Variants in ASB15 observed in about 807,000 individuals in gnomAD.
ASB15 encodes ankyrin repeat and SOCS box protein 15.
In ASB15, 54 loss-of-function variants were observed where a neutral mutation model predicts 58.0. That is an observed-to-expected ratio of 0.93 (90% CI 0.75 to 1.17). ASB15 has a LOEUF of 1.17. Among genes scored for constraint, ASB15 ranks in the 50% most tolerant of loss-of-function variants. The probability of loss-of-function intolerance (pLI) is 0.00; values close to 1 mark genes in which losing one functional copy is unlikely to be tolerated. For missense variants in ASB15, 680 were observed against 707.4 expected (o/e 0.96, Z 0.44); for synonymous variants, 249 against 262.4 (o/e 0.95, Z 0.50).
At chr7:123,584,041 A>AT (rs1799308074) in intron 1 of ASB15, among the ~76,000 whole-genome samples, 1 of 151,908 alleles carries the variant, frequency 6.6e-6, no homozygotes, top group African/African-American at 2.4e-5. Context: ...CTCTATTTTT[A>AT]TATGTGCATG....
chr7:123,613,295 T>C (rs889208395), intron 3 of ASB15, among the ~76,000 whole-genome samples: 3 of 150,314 alleles, frequency 2.0e-5, no homozygotes, highest in African/African-American at 7.4e-5. Context: ...AGCACTCTTT[T>C]GTTTTTCTCT....
At chr7:123,603,386 G>C (rs1482344171) in intron 1 of ASB15, among the ~76,000 whole-genome samples, 1 of 152,160 alleles carries the variant, frequency 6.6e-6, no homozygotes, top group African/African-American at 2.4e-5. Context: ...CAGAGCAAAG[G>C]AATGTAGTAT....
At chr7:123,589,692 T>C (rs1366905379) in intron 1 of ASB15, among the ~76,000 whole-genome samples, 1 of 152,178 alleles carries the variant, frequency 6.6e-6, no homozygotes, top group Non-Finnish European at 1.5e-5. Flanking sequence ...GGTGTATATG[T>C]GCCACATTTT....
Position 123,620,501 on chromosome 7 carries a change from TACATAC to T in ASB15, c.451+2766_451+2771del, listed in dbSNP as rs1428938331. On this transcript the variant is annotated intron_variant, in intron 7 of 11. Transcript: ENST00000451215. ...TTCACCACTAGTAATGTGACACATA[TACATAC>T]ATATATATATATATATATATATATA... is the stretch of plus-strand genomic sequence containing the variant. Among the ~76,000 whole-genome samples, 124 of 62,592 alleles carry T rather than the reference TACATAC, an allele frequency of 2.0e-3. 1 individual carries two copies. The highest frequency in any genetic ancestry group is 9.1e-3 in the East Asian group (18 of 1,968). The allele number at this position is 62,592 out of a possible 152,430, so 41.1% of individuals were successfully genotyped here.
At chr7:123,608,762 C>G (rs1016225181) in intron 3 of ASB15, 108 bp downstream of exon 3, 2 of 152,116 alleles carry the variant, frequency 1.3e-5, no homozygotes, top group Non-Finnish European at 2.9e-5. Flanking sequence ...ATCATCCTAA[C>G]GAATCCATTC....
rs936587780 is a variant in ASB15, at chr7:123,638,925, T to C, written c.*1944T>C. The C allele has an allele frequency of 6.6e-6, 1 of 152,196 alleles. No homozygotes were observed. Among genetic ancestry groups the C allele is most frequent in the Non-Finnish European group, 1.5e-5 (1 of 68,040 alleles). The allele number at this position is 152,196 out of a possible 1,614,324, so 9.4% of individuals were successfully genotyped here. A position where few individuals can be genotyped will look rare whatever the true frequency, so the allele number is the denominator to read the frequency against. The stretch of plus-strand genomic sequence containing the variant: ...TATGTTTGTTTTGTTTTCCAGTGCT[T>C]TCTCAGGGCCAAACACATTCCCTAG... On this transcript the variant is annotated 3_prime_UTR_variant, in exon 12 of 12. Transcript: ENST00000451215.
chr7:123,596,930 G>A (rs1031122174), upstream of ASB15, among the ~76,000 whole-genome samples: 12 of 152,082 alleles, frequency 7.9e-5, no homozygotes, highest in Non-Finnish European at 1.5e-4. Flanking sequence ...ATTATAATTA[G>A]GCTTGGTTTA....
intron 1 of ASB15, among the ~76,000 whole-genome samples, chr7:123,574,917 A>G (rs1369346028): frequency 6.7e-6 from 1 of 150,348 alleles, no homozygotes; most frequent in African/African-American, 2.4e-5. Context: ...TTTAACTCTC[A>G]GCTCCCTTGG....
chr7:123,592,934 T>A (rs1464989182), intron 1 of ASB15, among the ~76,000 whole-genome samples: 3 of 152,174 alleles, frequency 2.0e-5, no homozygotes, highest in African/African-American at 7.2e-5. Context: ...TAAGGACTTA[T>A]TTTATGAATC....
At chr7:123,595,427 ATTC>A (rs1352891474) in intron 1 of ASB15, among the ~76,000 whole-genome samples, 2 of 152,192 alleles carry the variant, frequency 1.3e-5, no homozygotes. Flanking sequence ...GTGTCGGGTT[ATTC>A]TTTGTGAAAG....
chr7:123,613,624 G>A (rs575958612), intron 3 of ASB15, among the ~76,000 whole-genome samples: 1 of 152,180 alleles, frequency 6.6e-6, no homozygotes, highest in Non-Finnish European at 1.5e-5. Context: ...GTAAGGGAGT[G>A]AATGGGGACT....
chr7:123,623,896 AAGAATGGAAGGAAGG>A (rs1801514683), intron 7 of ASB15, among the ~76,000 whole-genome samples: 3 of 123,542 alleles, frequency 2.4e-5, no homozygotes, highest in East Asian at 2.4e-4. Flanking sequence ...AGAAGAAAGA[AAGAATGGAAGGAAGG>A]AAGGAAGGAA....
At chr7:123,592,186 C>A (rs911784993) in intron 1 of ASB15, among the ~76,000 whole-genome samples, 1 of 152,052 alleles carries the variant, frequency 6.6e-6, no homozygotes, top group Non-Finnish European at 1.5e-5. Context: ...ATTCTTATCT[C>A]TTTTCTTCTT....
chr7:123,609,842 A>G, intron 3 of ASB15, among the ~76,000 whole-genome samples: 1 of 152,282 alleles, frequency 6.6e-6, no homozygotes, highest in African/African-American at 2.4e-5. Context: ...AAACTGATGC[A>G]AAAAGGTGTC....
rs201282158 is a variant in ASB15, at chr7:123,629,169, A to G, written c.1175A>G (p.Asn392Ser). 6.2e-7 allele frequency: 1 copy of G among 1,614,108 alleles called. No individual in the cohort carries two copies. Among genetic ancestry groups the G allele is most frequent in the African/African-American group, 1.3e-5 (1 of 75,040 alleles). The change falls in exon 10 of 12, where the codon AAT (asparagine) becomes AGT (serine). Residue 392 changes from asparagine (N) to serine (S), a missense_variant. Physicochemically the swap from Asn to Ser is conservative, Grantham distance 46. Coordinates refer to ENST00000451215, the MANE Select transcript of ASB15 (RefSeq NM_001290258.2). ...CTACTTGTTGCAGTGAGGGCCAATA[A>G]TTATGAAATTGTCAGGCTGCTTCTC... Reference protein sequence around the residue: ...NCLLVAVRANNYEIVRLLLSH... With the variant: ...NCLLVAVRANSYEIVRLLLSH...
chr7:123,618,673 A>G (rs1340189508), intron 7 of ASB15, among the ~76,000 whole-genome samples: 1 of 152,162 alleles, frequency 6.6e-6, no homozygotes, highest in Non-Finnish European at 1.5e-5. Flanking sequence ...TTTACCAGCA[A>G]TCACAGAGAA....
intron 1 of ASB15, among the ~76,000 whole-genome samples, chr7:123,594,952 C>T (rs1348471167): frequency 6.6e-6 from 1 of 152,186 alleles, no homozygotes; most frequent in Admixed American, 6.5e-5. Flanking sequence ...CCAGTTCGAG[C>T]TTCCCTGCCG....
chr7:123,587,311 A>G (rs1267630481), intron 1 of ASB15, among the ~76,000 whole-genome samples: 2 of 151,588 alleles, frequency 1.3e-5, no homozygotes, highest in Admixed American at 6.6e-5. Context: ...TAGCTATTGT[A>G]TATGGGATTT....
Position 123,628,945 on chromosome 7 carries a change from T to C in ASB15, c.951T>C (p.Asp317=), listed in dbSNP as rs1375455032. ...TAACACCAATTCACTCAGCAGCAGA[T>C]GGACAAAATGCACAGTGTCTAGAAC... is the stretch of plus-strand genomic sequence containing the variant. ...SGLTPIHSAA[D]GQNAQCLELL... Residue 317 remains aspartate, a synonymous_variant, in exon 10 of 12, where the codon GAT becomes GAC. Coordinates refer to ENST00000451215, the MANE Select transcript of ASB15 (RefSeq NM_001290258.2). The C allele has an allele frequency of 2.5e-6, 4 of 1,609,630 alleles. No individual in the cohort carries two copies. Among genetic ancestry groups the C allele is most frequent in the Admixed American group, 1.7e-5 (1 of 59,394 alleles).
Sources: gnomAD v4.1 joint callset for allele counts (sites outside exome capture counted in the v4.1 genomes callset) on GRCh38, gnomAD v4.1.1 for gene constraint, MANE v1.5 for transcripts, NCBI Gene and HGNC (gene_info 2026-07-23, HGNC 2026-07-21) for gene names.